The following ANKS1B variants were observed in gnomAD, a reference collection of about 807,000 sequenced individuals.
ANKS1B encodes ankyrin repeat and sterile alpha motif domain-containing protein 1B.
A neutral mutation model predicts 148.3 loss-of-function variants in ANKS1B; 36 were observed. The ratio of observed to expected loss-of-function variants is 0.24; its 90% CI spans 0.19 to 0.32. The LOEUF is 0.32. ANKS1B is among the 10% of genes least tolerant of loss of function. The pLI, the probability that ANKS1B is intolerant of heterozygous loss-of-function variation, is 1.00. For missense variants in ANKS1B, 1,157 were observed against 1,542.6 expected (o/e 0.75, Z 4.19); for synonymous variants, 542 against 560.8 (o/e 0.97, Z 0.47).
chr12:99,631,805 T>C (rs1598445756), intron 9 of ANKS1B, among the ~76,000 whole-genome samples: 1 of 152,242 alleles, frequency 6.6e-6, no homozygotes, highest in East Asian at 1.9e-4. Context: ...AAAGAATTTA[T>C]AATCAAGAGA....
chr12:99,678,531 A>C (rs191355864), intron 8 of ANKS1B, among the ~76,000 whole-genome samples: 1 of 152,276 alleles, frequency 6.6e-6, no homozygotes, highest in African/African-American at 2.4e-5. Flanking sequence ...GCAAGGAGAG[A>C]AAATTCTCCT....
intron 24 of ANKS1B, among the ~76,000 whole-genome samples, chr12:98,780,112 T>C (rs938151204): frequency 1.3e-4 from 20 of 152,338 alleles, no homozygotes; most frequent in African/African-American, 4.3e-4. Context: ...CCCTGGAACC[T>C]AAATCCAGTT....
chr12:98,848,866 G>GCC (rs2099503366), intron 17 of ANKS1B, among the ~76,000 whole-genome samples: 1 of 150,610 alleles, frequency 6.6e-6, no homozygotes, highest in Non-Finnish European at 1.5e-5. Context: ...AGCCTCCCAA[G>GCC]TAGCTGGGAT....
chr12:99,941,212 A>G (rs2094910290), intron 1 of ANKS1B, among the ~76,000 whole-genome samples: 1 of 152,166 alleles, frequency 6.6e-6, no homozygotes, highest in Admixed American at 6.5e-5. Context: ...AAGATCACTT[A>G]AGGTGAAATG....
At chr12:98,771,242 T>G (rs1310796658) in intron 25 of ANKS1B, among the ~76,000 whole-genome samples, 1 of 152,066 alleles carries the variant, frequency 6.6e-6, no homozygotes, top group Non-Finnish European at 1.5e-5. Flanking sequence ...CGATCATAGC[T>G]CAGTGAAGCC....
intron 12 of ANKS1B, among the ~76,000 whole-genome samples, chr12:99,263,736 TAC>T (rs2076160319): frequency 6.6e-6 from 1 of 152,062 alleles, no homozygotes; most frequent in Non-Finnish European, 1.5e-5. Context: ...CAGTTCCTCC[TAC>T]ACACACACTC....
intron 17 of ANKS1B, among the ~76,000 whole-genome samples, chr12:98,993,993 A>G (rs1054264650): frequency 6.6e-6 from 1 of 152,194 alleles, no homozygotes; most frequent in Non-Finnish European, 1.5e-5. Flanking sequence ...TATAAAACTA[A>G]TTTATTAACT....
At chr12:98,750,861 G>A (rs575300936) in intron 26 of ANKS1B, among the ~76,000 whole-genome samples, 25 of 152,370 alleles carry the variant, frequency 1.6e-4, no homozygotes, top group East Asian at 3.9e-4. Flanking sequence ...GGGAGACAAA[G>A]CACGCAGGCC....
At chr12:99,290,474 A>G (rs1025532073) in intron 12 of ANKS1B, among the ~76,000 whole-genome samples, 2 of 151,988 alleles carry the variant, frequency 1.3e-5, no homozygotes, top group African/African-American at 2.4e-5. Flanking sequence ...AGAAAACTAC[A>G]GGCCATTATC....
chr12:99,701,354 A>G (rs1276484849), intron 8 of ANKS1B, among the ~76,000 whole-genome samples: 2 of 152,114 alleles, frequency 1.3e-5, no homozygotes, highest in Non-Finnish European at 1.5e-5. Context: ...TGAACCAACA[A>G]CAGATATGCT....
chr12:99,152,347 C>T lies in ANKS1B; in HGVS notation c.2526+1942G>A, dbSNP rs11109746. On this transcript the variant is annotated intron_variant, in intron 15 of 26. Coordinates refer to ENST00000683438, the MANE Select transcript of ANKS1B (RefSeq NM_001352186.2). ...CTCATGAAGAAAGTATTTGATTGGC[C>T]CATCTAAGTTAATAATATTTTCTTA... Among the ~76,000 whole-genome samples, 872 of 151,642 alleles carry T rather than the reference C, an allele frequency of 5.8e-3. 13 individuals are homozygous for T. The highest frequency in any genetic ancestry group is 0.02 in the African/African-American group (843 of 41,414).
chr12:99,186,068 G>A (rs10860399), intron 14 of ANKS1B, among the ~76,000 whole-genome samples: 18,247 of 152,126 alleles, frequency 0.12, 1,318 homozygotes, highest in South Asian at 0.24. Flanking sequence ...AGGGGCGTCC[G>A]CTATGACTGA....
chr12:99,405,626 G>A (rs7975287), intron 11 of ANKS1B, among the ~76,000 whole-genome samples: 12,691 of 144,324 alleles, frequency 0.088, 2,941 homozygotes, highest in African/African-American at 0.3. Flanking sequence ...AAGGAGAGAA[G>A]GAGGAGATCA....
intron 15 of ANKS1B, among the ~76,000 whole-genome samples, chr12:99,085,654 A>G (rs2051448772): frequency 6.6e-6 from 1 of 152,220 alleles, no homozygotes; most frequent in African/African-American, 2.4e-5. Flanking sequence ...AAAATGTGGT[A>G]CATATACACC....
chr12:99,110,038 T>C (rs915823246), intron 15 of ANKS1B, among the ~76,000 whole-genome samples: 7 of 152,156 alleles, frequency 4.6e-5, no homozygotes, highest in African/African-American at 1.7e-4. Context: ...GTAGGGTTTA[T>C]GACCACAAAT....
At chr12:99,309,371 C>T (rs1452963571) in intron 12 of ANKS1B, among the ~76,000 whole-genome samples, 4 of 151,730 alleles carry the variant, frequency 2.6e-5, no homozygotes, top group Admixed American at 6.6e-5. Flanking sequence ...ATGTTTTTTT[C>T]CCTTTAATCT....
intron 9 of ANKS1B, among the ~76,000 whole-genome samples, chr12:99,507,089 G>A (rs1435572170): frequency 1.3e-5 from 2 of 151,836 alleles, no homozygotes; most frequent in Non-Finnish European, 2.9e-5. Flanking sequence ...TACAAGTTAT[G>A]GAAATGATTT....
chr12:98,999,158 A>AG (rs2099931443), intron 17 of ANKS1B, among the ~76,000 whole-genome samples: 1 of 152,250 alleles, frequency 6.6e-6, no homozygotes, highest in South Asian at 2.1e-4. Context: ...ACACCGTGCA[A>AG]CTGGAGCTTT....
intron 24 of ANKS1B, among the ~76,000 whole-genome samples, chr12:98,774,319 A>C (rs1318921024): frequency 6.6e-6 from 1 of 152,136 alleles, no homozygotes; most frequent in Non-Finnish European, 1.5e-5. Flanking sequence ...ATGCCCTTCA[A>C]CGTCTCCACC....
Sources: gnomAD v4.1 joint callset for allele counts (sites outside exome capture counted in the v4.1 genomes callset) on GRCh38, gnomAD v4.1.1 for gene constraint, MANE v1.5 for transcripts, NCBI Gene and HGNC (gene_info 2026-07-23, HGNC 2026-07-21) for gene names.